WAC: variants seen among roughly 807,000 people sequenced by gnomAD.
The protein encoded by WAC is WW domain containing adaptor with coiled-coil, also known as WW domain-containing adapter protein with coiled-coil.
A neutral mutation model predicts 79.6 loss-of-function variants in WAC; 11 were observed. That is an observed-to-expected ratio of 0.14 (90% confidence interval 0.09 to 0.23). The LOEUF (loss-of-function observed/expected upper bound fraction) is 0.23, where lower values mean the gene tolerates loss of function less well. WAC is among the 10% of genes least tolerant of loss of function. The pLI, the probability that WAC is intolerant of heterozygous loss-of-function variation, is 1.00. For synonymous variants in WAC, 304 were observed against 276.9 expected, an observed-to-expected ratio of 1.10 and a Z score of -0.97; for missense variants, 728 against 773.5, an observed-to-expected ratio of 0.94 and a Z score of 0.70.
intron 6 of WAC, among the ~76,000 whole-genome samples, chr10:28,592,514 G>A (rs113132982): frequency 1.1e-4 from 16 of 152,144 alleles, no homozygotes; most frequent in South Asian, 4.1e-4. Flanking sequence ...CCAGCCACTC[G>A]GAAGGCTGAG....
chr10:28,552,473 G>A (rs1031225268), intron 3 of WAC, among the ~76,000 whole-genome samples: 21 of 152,000 alleles, frequency 1.4e-4, no homozygotes, highest in African/African-American at 5.1e-4. Context: ...GTGGAGGAAT[G>A]CAAGGAAGCA....
intron 2 of WAC, among the ~76,000 whole-genome samples, chr10:28,534,526 A>C (rs893511825): frequency 6.6e-6 from 1 of 152,254 alleles, no homozygotes; most frequent in Non-Finnish European, 1.5e-5. Context: ...ATTGCCTTAC[A>C]AGTAAAAGAT....
chr10:28,544,834 C>T (rs1289926725), intron 3 of WAC, among the ~76,000 whole-genome samples: 1 of 151,866 alleles, frequency 6.6e-6, no homozygotes, highest in Non-Finnish European at 1.5e-5. Context: ...GAGGCCAAGG[C>T]GGGCAGATCA....
chr10:28,599,775 G>A (rs1444223019), intron 7 of WAC, among the ~76,000 whole-genome samples: 2 of 152,142 alleles, frequency 1.3e-5, no homozygotes, highest in East Asian at 3.9e-4. Flanking sequence ...TTTTTGCAGA[G>A]AACAGTCTTG....
chr10:28,615,975 G>A, intron 11 of WAC, 198 bp from the exon 12 acceptor site: 1 of 454,638 alleles, frequency 2.2e-6, no homozygotes, highest in Non-Finnish European at 3.8e-6. Flanking sequence ...GTGTTAAAAG[G>A]GTTTTTTCCC....
rs1201147741 is a variant in WAC, at chr10:28,621,396, C to G, written c.*1790C>G. Reference sequence around the variant, plus strand: ...ATTGAAAGTATGGAAGTTAAATGTTCAGGCTTTTCAGTAAGCTCAAAAAGT... The same window carrying G: ...ATTGAAAGTATGGAAGTTAAATGTTGAGGCTTTTCAGTAAGCTCAAAAAGT... On this transcript the variant is annotated 3_prime_UTR_variant, in exon 14 of 14. Coordinates refer to ENST00000354911, the MANE Select transcript of WAC (RefSeq NM_016628.5). The G allele has an allele frequency of 2.6e-5, 4 of 151,972 alleles. No homozygotes were observed. The highest frequency in any genetic ancestry group is 9.7e-5 in the African/African-American group (4 of 41,348). The allele number at this position is 151,972 out of a possible 1,614,324, so 9.4% of individuals were successfully genotyped here. A position where few individuals can be genotyped will look rare whatever the true frequency, so the allele number is the denominator to read the frequency against.
rs1212327148 is a variant in WAC at position 28,533,398 on chromosome 10, C to G, written c.-182C>G. 1.2e-5 allele frequency: 2 copies of G among 163,008 alleles called. No homozygotes were observed. Among genetic ancestry groups the G allele is most frequent in the South Asian group, 3.5e-4 (2 of 5,796 alleles). 10.1% of individuals were successfully genotyped at this position (163,008 alleles called of 1,614,324 possible). A position where few individuals can be genotyped will look rare whatever the true frequency, so the allele number is the denominator to read the frequency against. On this transcript the variant is annotated 5_prime_UTR_variant, in exon 1 of 14. Coordinates refer to ENST00000354911, the MANE Select transcript of WAC (RefSeq NM_016628.5). Reference sequence around the variant, plus strand: ...CGGCTGAGAGTGAGCGTGGTGTCGACGGAGGGAGATGGCCCGGGAGCGCCG... The same window carrying G: ...CGGCTGAGAGTGAGCGTGGTGTCGAGGGAGGGAGATGGCCCGGGAGCGCCG...
At chr10:28,596,221 T>G (rs970377236) in intron 7 of WAC, among the ~76,000 whole-genome samples, 180 bp downstream of exon 7, 1 of 152,230 alleles carries the variant, frequency 6.6e-6, no homozygotes, top group East Asian at 1.9e-4. Flanking sequence ...TTCTTTAATT[T>G]ATAATTATCC....
intron 6 of WAC, chr10:28,591,230 C>T (rs1340523727): frequency 1.1e-5 from 2 of 187,484 alleles, no homozygotes; most frequent in South Asian, 2.0e-4. Context: ...TAGCTACACA[C>T]AGTGACACCA....
intron 7 of WAC, among the ~76,000 whole-genome samples, chr10:28,602,241 GCTTAT>G (rs1439524140): frequency 1.3e-5 from 2 of 152,150 alleles, no homozygotes; most frequent in Non-Finnish European, 2.9e-5. Context: ...GTTGGAAGTT[GCTTAT>G]CTTTTGTGTG....
chr10:28,546,024 A>G (rs899195900), intron 3 of WAC, among the ~76,000 whole-genome samples: 18 of 152,228 alleles, frequency 1.2e-4, no homozygotes, highest in African/African-American at 3.6e-4. Flanking sequence ...AAGATTTCCT[A>G]AAGTTTACTC....
rs1836874995 is a variant in WAC at position 28,539,375 on chromosome 10, T to G, written c.274+3618T>G. ...GCGTGTATAGTTTAGAGTTAGAGAT[T>G]TTATCCATTAGGATTTATTAAAGGA... On this transcript the variant is annotated intron_variant, in intron 3 of 13. Transcript: ENST00000354911. 3.3e-5 allele frequency among the ~76,000 whole-genome samples: 5 copies of G among 152,338 alleles called. No homozygotes were observed. In the South Asian group the frequency reaches 1.0e-3, roughly 32 times the overall value.
At chr10:28,614,307 G>GTGTTAGCCGGAA (rs561844257) in intron 10 of WAC, among the ~76,000 whole-genome samples, 1 of 151,218 alleles carries the variant, frequency 6.6e-6, no homozygotes. Context: ...GGGTTTCACC[G>GTGTTAGCCGGAA]TGGTCTCGAT....
rs1231749895 is a variant in WAC at position 28,622,297 on chromosome 10, A to C, written c.*2691A>C. The C allele has an allele frequency of 6.6e-6, 1 of 151,926 alleles. No homozygotes were observed. The highest frequency in any genetic ancestry group is 2.4e-5 in the African/African-American group (1 of 41,354). The allele number at this position is 151,926 out of a possible 1,614,324, so 9.4% of individuals were successfully genotyped here. A position where few individuals can be genotyped will look rare whatever the true frequency, so the allele number is the denominator to read the frequency against. On this transcript the variant is annotated 3_prime_UTR_variant, in exon 14 of 14. Coordinates refer to ENST00000354911, the MANE Select transcript of WAC (RefSeq NM_016628.5). Reference sequence around the variant, plus strand: ...AGGGAATATCTATTAAAATAAGCATAATGTTCTGGACTAGAGTATTCCTTA... The same window carrying C: ...AGGGAATATCTATTAAAATAAGCATCATGTTCTGGACTAGAGTATTCCTTA...
chr10:28,584,651 A>G (rs922309451), intron 4 of WAC, among the ~76,000 whole-genome samples: 26 of 152,206 alleles, frequency 1.7e-4, no homozygotes, highest in African/African-American at 6.3e-4. Flanking sequence ...TATTTGAGTG[A>G]TCATCATGTC....
At chr10:28,545,038 CTCAA>C (rs1837275644) in intron 3 of WAC, among the ~76,000 whole-genome samples, 1 of 53,236 alleles carries the variant, frequency 1.9e-5, no homozygotes. Flanking sequence ...GAGACTCTGT[CTCAA>C]AAAAAAAAAA....
At chr10:28,577,275 C>T (rs898224044) in intron 3 of WAC, among the ~76,000 whole-genome samples, 2 of 152,152 alleles carry the variant, frequency 1.3e-5, no homozygotes, top group African/African-American at 4.8e-5. Context: ...TCAGAAGTTA[C>T]TTCCATTTCC....
intron 3 of WAC, among the ~76,000 whole-genome samples, chr10:28,563,722 A>C (rs987975843): frequency 7.2e-6 from 1 of 139,582 alleles, no homozygotes; most frequent in South Asian, 2.4e-4. Flanking sequence ...TGGGACTACA[A>C]GTGCATGCTG....
At chr10:28,576,974 T>C (rs1184646140) in intron 3 of WAC, among the ~76,000 whole-genome samples, 1 of 152,130 alleles carries the variant, frequency 6.6e-6, no homozygotes, top group Non-Finnish European at 1.5e-5. Context: ...ATACAGAAAA[T>C]CCCAATTCCT....
Sources: gnomAD v4.1 joint callset for allele counts (sites outside exome capture counted in the v4.1 genomes callset) on GRCh38, gnomAD v4.1.1 for gene constraint, MANE v1.5 for transcripts, NCBI Gene and HGNC (gene_info 2026-07-23, HGNC 2026-07-21) for gene names.